Variants in RBFOX1 observed in about 807,000 individuals in gnomAD.
The protein encoded by RBFOX1 is RNA binding protein fox-1 homolog 1.
RBFOX1 carries 8 observed loss-of-function variants against 57.7 expected under a neutral mutation model. The observed-to-expected ratio is 0.14, with a 90% CI of 0.08 to 0.25. The LOEUF (loss-of-function observed/expected upper bound fraction) is 0.25, where lower values mean the gene tolerates loss of function less well. RBFOX1 is among the 10% of genes least tolerant of loss of function. The pLI is 1.00. For missense variants in RBFOX1, 611 were observed against 548.5 expected, an observed-to-expected ratio of 1.11 and a Z score of -1.14; for synonymous variants, 326 against 222.4, an observed-to-expected ratio of 1.47 and a Z score of -4.15.
At chr16:6,499,320 T>A (rs2095854155) in intron 2 of RBFOX1, among the ~76,000 whole-genome samples, 1 of 152,188 alleles carries the variant, frequency 6.6e-6, no homozygotes, top group African/African-American at 2.4e-5. Flanking sequence ...CGAGCCATTA[T>A]GCCTGTTTCC....
At chr16:6,777,326 C>G (rs1243575270) in intron 3 of RBFOX1, among the ~76,000 whole-genome samples, 2 of 152,060 alleles carry the variant, frequency 1.3e-5, no homozygotes, top group Admixed American at 6.6e-5. Context: ...GTATTTTGCT[C>G]CTATACCTAG....
In RBFOX1 at chr16:6,808,178, G is replaced by GTGTGTGTGTGTGTA. The variant is rs1318609964; in HGVS notation, c.-16+153529_-16+153530insGTGTGTGTGTGTAT. On this transcript the variant is annotated intron_variant, in intron 3 of 15. Transcript: ENST00000550418. ...CTTATATATGTGTGTGTGTGTGTGT[G>GTGTGTGTGTGTGTA]TATATATATATATATATATATAGTT... Among the ~76,000 whole-genome samples the GTGTGTGTGTGTGTA allele has an allele frequency of 8.5e-4, 124 of 145,562 alleles. 1 individual carries two copies. The highest frequency in any genetic ancestry group is 3.0e-3 in the African/African-American group (116 of 38,410).
At chr16:5,398,309 ATG>A (rs2151433381) in intron 1 of RBFOX1, among the ~76,000 whole-genome samples, 1 of 151,446 alleles carries the variant, frequency 6.6e-6, no homozygotes, top group African/African-American at 2.4e-5. Flanking sequence ...GTGTGTGTGC[ATG>A]TGTGCTCGTG....
chr16:5,676,005 G>A (rs1192906672), intron 3 of RBFOX1, among the ~76,000 whole-genome samples: 1 of 152,130 alleles, frequency 6.6e-6, no homozygotes, highest in Admixed American at 6.5e-5. Flanking sequence ...GGCATCGCAT[G>A]TTCTCAGTCA....
intron 12 of RBFOX1, among the ~76,000 whole-genome samples, chr16:7,658,381 A>G (rs2066849802): frequency 6.6e-6 from 1 of 152,210 alleles, no homozygotes; most frequent in Non-Finnish European, 1.5e-5. Flanking sequence ...AATATTGAGT[A>G]GGGAACAGTC....
intron 1 of RBFOX1, among the ~76,000 whole-genome samples, chr16:6,170,337 C>T (rs533252143): frequency 6.6e-6 from 1 of 152,302 alleles, no homozygotes; most frequent in East Asian, 1.9e-4. Flanking sequence ...GTCCTGCTCT[C>T]TGCTCTTTTT....
intron 3 of RBFOX1, among the ~76,000 whole-genome samples, chr16:5,617,085 C>T (rs1810764118): frequency 2.0e-5 from 3 of 151,842 alleles, no homozygotes; most frequent in African/African-American, 7.3e-5. Flanking sequence ...GCCATCCATT[C>T]CCTCCCTCAC....
chr16:5,571,078 T>C (rs570126516), intron 2 of RBFOX1, among the ~76,000 whole-genome samples: 1 of 152,266 alleles, frequency 6.6e-6, no homozygotes, highest in East Asian at 1.9e-4. Flanking sequence ...TTTTGATGTC[T>C]GTTCACTGAA....
intron 3 of RBFOX1, among the ~76,000 whole-genome samples, chr16:5,751,720 T>C (rs2053213207): frequency 1.3e-5 from 2 of 152,214 alleles, no homozygotes; most frequent in Admixed American, 6.5e-5. Context: ...ATATCCACTA[T>C]TGCAATTAAG....
chr16:6,264,879 A>G (rs2097723601), intron 1 of RBFOX1, among the ~76,000 whole-genome samples: 1 of 152,156 alleles, frequency 6.6e-6, no homozygotes. Flanking sequence ...ATGGCATATG[A>G]CCTAACATGT....
intron 2 of RBFOX1, among the ~76,000 whole-genome samples, chr16:6,385,282 C>G (rs74007325): frequency 0.018 from 2,670 of 152,308 alleles, 91 homozygotes; most frequent in African/African-American, 0.06. Flanking sequence ...TCGAACTCTG[C>G]CTTTGCTACG....
At chr16:5,496,107 C>G (rs1247989291) in intron 2 of RBFOX1, among the ~76,000 whole-genome samples, 1 of 152,102 alleles carries the variant, frequency 6.6e-6, no homozygotes, top group African/African-American at 2.4e-5. Flanking sequence ...GCCTGGGTGA[C>G]AGTGCGAGAC....
At chr16:5,506,684 AGAAG>A (rs2043390935) in intron 2 of RBFOX1, among the ~76,000 whole-genome samples, 2 of 152,172 alleles carry the variant, frequency 1.3e-5, no homozygotes, top group Non-Finnish European at 2.9e-5. Context: ...GACGCCACAG[AGAAG>A]GGAGTGAGGT....
At chr16:6,651,827 C>T (rs779296272) in intron 2 of RBFOX1, among the ~76,000 whole-genome samples, 5 of 152,114 alleles carry the variant, frequency 3.3e-5, no homozygotes, top group East Asian at 3.9e-4. Context: ...CCACAGATGG[C>T]GCTTATGAAT....
chr16:7,038,358 G>A (rs2153702425), intron 3 of RBFOX1, among the ~76,000 whole-genome samples: 1 of 152,272 alleles, frequency 6.6e-6, no homozygotes, highest in Non-Finnish European at 1.5e-5. Context: ...AATGGTGATT[G>A]CTTTCGCTGC....
chr16:5,890,018 G>A (rs911990727), intron 4 of RBFOX1, among the ~76,000 whole-genome samples: 1 of 152,162 alleles, frequency 6.6e-6, no homozygotes, highest in Non-Finnish European at 1.5e-5. Flanking sequence ...GCAGCAAAGT[G>A]GACATGACAC....
chr16:6,391,360 A>C (rs1324389454), intron 2 of RBFOX1, among the ~76,000 whole-genome samples: 2 of 152,036 alleles, frequency 1.3e-5, no homozygotes, highest in African/African-American at 4.8e-5. Context: ...ATACAAAAAA[A>C]TTAGCCAGGC....
chr16:5,296,453 G>T (rs1225144595), intron 1 of RBFOX1, among the ~76,000 whole-genome samples: 7 of 151,992 alleles, frequency 4.6e-5, no homozygotes, highest in African/African-American at 1.7e-4. Context: ...TGAAAAGTAT[G>T]TGGATGTTCT....
rs534810624 is a variant in RBFOX1, at chr16:6,959,146, A to G, written c.-15-92911A>G. Among the ~76,000 whole-genome samples, 5 of 152,208 alleles carry G rather than the reference A, an allele frequency of 3.3e-5. No homozygotes were observed. The South Asian group carries it at 1.0e-3, about 32-fold the overall frequency. ...CAGAAATTAAAATCCACTTTTTCAGACTACGATGGATTGGAAAGCCTGGGC... is the reference window on the plus strand; with the variant it reads ...CAGAAATTAAAATCCACTTTTTCAGGCTACGATGGATTGGAAAGCCTGGGC... On this transcript the variant is annotated intron_variant, in intron 3 of 15. Transcript: ENST00000550418.
Sources: allele counts gnomAD v4.1 joint callset (sites outside exome capture counted in the v4.1 genomes callset), GRCh38; gene constraint gnomAD v4.1.1; transcripts MANE v1.5; gene names NCBI Gene and HGNC (gene_info 2026-07-23, HGNC 2026-07-21).